The following MPPED2 variants were observed in gnomAD, a reference collection of about 807,000 sequenced individuals.
MPPED2 encodes the protein metallophosphoesterase MPPED2.
MPPED2 carries 5 observed loss-of-function variants against 33.0 expected under a neutral mutation model. The ratio of observed to expected loss-of-function variants is 0.15; its 90% CI spans 0.08 to 0.32. The LOEUF (loss-of-function observed/expected upper bound fraction) is 0.32. Ranked by LOEUF, MPPED2 falls within the 10% of genes least tolerant of loss-of-function variation. MPPED2 has a pLI of 1.00. For synonymous variants in MPPED2, 136 were observed against 141.9 expected, an observed-to-expected ratio of 0.96 and a Z score of 0.29; for missense variants, 275 against 372.1, an observed-to-expected ratio of 0.74 and a Z score of 2.15.
intron 4 of MPPED2, among the ~76,000 whole-genome samples, chr11:30,443,337 T>C (rs1221683779): frequency 1.3e-5 from 2 of 152,206 alleles, no homozygotes; most frequent in East Asian, 1.9e-4. Context: ...CAGTATCTTC[T>C]GTTTTCAGTG....
chr11:30,494,737 C>CAAAAAAAAAAAAAAAAAAAAA (rs767500886), intron 4 of MPPED2, among the ~76,000 whole-genome samples: 6 of 47,596 alleles, frequency 1.3e-4, no homozygotes, highest in Middle Eastern at 0.017. Context: ...TACTCCACCT[C>CAAAAAAAAAAAAAAAAAAAAA]AAAAAAAAAA....
intron 3 of MPPED2, among the ~76,000 whole-genome samples, chr11:30,520,999 T>C (rs1771660126): frequency 6.6e-6 from 1 of 151,952 alleles, no homozygotes; most frequent in Non-Finnish European, 1.5e-5. Flanking sequence ...ATACTGAAAA[T>C]TTTTAAATGA....
In MPPED2 at chr11:30,411,067, A is replaced by T; in HGVS notation, c.*401T>A. 1 of 986,568 alleles carries T rather than the reference A, an allele frequency of 1.0e-6. No individual in the cohort carries two copies. The highest frequency in any genetic ancestry group is 1.2e-6 in the Non-Finnish European group (1 of 830,386). 61.1% of individuals were successfully genotyped at this position (986,568 alleles called of 1,614,324 possible). ...AACATTGAAAATTAAAATATTTCAAACAATACTCTTAAACAGTTGTGCAAA... is the reference window on the plus strand; with the variant it reads ...AACATTGAAAATTAAAATATTTCAATCAATACTCTTAAACAGTTGTGCAAA... On this transcript the variant is annotated 3_prime_UTR_variant, in exon 7 of 7. Coordinates refer to ENST00000358117, the MANE Select transcript of MPPED2 (RefSeq NM_001584.3).
At chr11:30,386,448 G>A (rs1947703124) in exon 7 of MPPED2, 1 of 287,058 alleles carries the variant, frequency 3.5e-6, no homozygotes. Context: ...ATAGATTAGG[G>A]TGCTGCTTGA....
chr11:30,460,187 G>A (rs551241229), intron 4 of MPPED2, among the ~76,000 whole-genome samples: 1 of 152,258 alleles, frequency 6.6e-6, no homozygotes, highest in African/African-American at 2.4e-5. Context: ...TGTGAATGCT[G>A]GCTTTTCTTC....
intron 3 of MPPED2, among the ~76,000 whole-genome samples, chr11:30,510,602 G>A (rs996284792): frequency 3.3e-5 from 5 of 152,120 alleles, no homozygotes; most frequent in African/African-American, 4.8e-5. Context: ...TAACATGCCA[G>A]CTTTTGTTTT....
At chr11:30,404,737 T>C (rs959624332) in intron 6 of MPPED2, among the ~76,000 whole-genome samples, 4 of 152,214 alleles carry the variant, frequency 2.6e-5, no homozygotes, top group African/African-American at 9.6e-5. Flanking sequence ...CTTCATCTAG[T>C]TATAAAGACT....
At chr11:30,393,489 G>T (rs1947804647) in intron 6 of MPPED2, among the ~76,000 whole-genome samples, 1 of 152,002 alleles carries the variant, frequency 6.6e-6, no homozygotes, top group African/African-American at 2.4e-5. Context: ...TCCAGGGATG[G>T]TTTGGCACAA....
chr11:30,551,310 T>A (rs1450783775), intron 2 of MPPED2, among the ~76,000 whole-genome samples: 2 of 152,204 alleles, frequency 1.3e-5, no homozygotes, highest in Non-Finnish European at 2.9e-5. Flanking sequence ...ATTTTACAGA[T>A]GAGAAATACT....
intron 4 of MPPED2, among the ~76,000 whole-genome samples, chr11:30,455,985 G>C (rs1950264473): frequency 6.6e-6 from 1 of 152,226 alleles, no homozygotes. Context: ...ATCACAGCTT[G>C]CATTCAAAAC....
chr11:30,401,915 T>G (rs992867600), intron 6 of MPPED2, among the ~76,000 whole-genome samples: 1 of 151,222 alleles, frequency 6.6e-6, no homozygotes, highest in African/African-American at 2.4e-5. Flanking sequence ...GCCAGGATGG[T>G]CTCGATCTCC....
At chr11:30,561,123 T>C (rs968431048) in intron 2 of MPPED2, among the ~76,000 whole-genome samples, 7 of 152,208 alleles carry the variant, frequency 4.6e-5, no homozygotes, top group Non-Finnish European at 7.3e-5. Context: ...ATTTTAAACC[T>C]TCATGTGGGT....
chr11:30,526,089 A>T (rs1449320883), intron 3 of MPPED2, among the ~76,000 whole-genome samples: 3 of 152,246 alleles, frequency 2.0e-5, no homozygotes, highest in Middle Eastern at 6.3e-3. Context: ...GCACTTTTAT[A>T]TGAATTAGAC....
chr11:30,389,252 G>A (rs956801476), intron 6 of MPPED2, among the ~76,000 whole-genome samples: 6 of 152,118 alleles, frequency 3.9e-5, no homozygotes, highest in Admixed American at 1.3e-4. Context: ...GACTGAATTC[G>A]GGAGCCTTGA....
intron 3 of MPPED2, among the ~76,000 whole-genome samples, chr11:30,501,914 A>G (rs1272114320): frequency 6.6e-6 from 1 of 152,176 alleles, no homozygotes; most frequent in Admixed American, 6.5e-5. Flanking sequence ...CTCCAAGACA[A>G]TCTAGTGGTT....
chr11:30,392,909 A>G (rs1257867242), intron 6 of MPPED2, among the ~76,000 whole-genome samples: 1 of 152,130 alleles, frequency 6.6e-6, no homozygotes, highest in Non-Finnish European at 1.5e-5. Flanking sequence ...GCTTCTTTCC[A>G]AACACTTTAT....
downstream of MPPED2, among the ~76,000 whole-genome samples, chr11:30,384,120 T>C (rs564291520): frequency 3.3e-5 from 5 of 151,568 alleles, no homozygotes; most frequent in Admixed American, 6.6e-5. Flanking sequence ...CTACATTGAG[T>C]GCCTATTACA....
intron 2 of MPPED2, among the ~76,000 whole-genome samples, chr11:30,543,746 G>A (rs1030596216): frequency 6.8e-6 from 1 of 147,312 alleles, no homozygotes; most frequent in East Asian, 2.0e-4. Flanking sequence ...AAACAAAAAT[G>A]ACAGAATATG....
intron 2 of MPPED2, among the ~76,000 whole-genome samples, chr11:30,541,676 T>G (rs2134535111): frequency 6.6e-6 from 1 of 152,290 alleles, no homozygotes; most frequent in Non-Finnish European, 1.5e-5. Flanking sequence ...CACTGCAACC[T>G]CTGCCTCCTG....
Sources: allele counts gnomAD v4.1 joint callset (sites outside exome capture counted in the v4.1 genomes callset), GRCh38; gene constraint gnomAD v4.1.1; transcripts MANE v1.5; gene names NCBI Gene and HGNC (gene_info 2026-07-23, HGNC 2026-07-21).